ANKAR: variants seen among roughly 807,000 people sequenced by gnomAD.
ANKAR encodes ankyrin and armadillo repeat-containing protein.
In ANKAR, 136 loss-of-function variants were observed where a neutral mutation model predicts 146.2. That is an observed-to-expected ratio of 0.93 (90% CI 0.81 to 1.07). ANKAR has a LOEUF of 1.07. Among genes scored for constraint, ANKAR ranks in the 50% least tolerant of loss-of-function variants. The pLI, the probability that ANKAR is intolerant of heterozygous loss-of-function variation, is 0.00. For missense variants in ANKAR, 1,567 were observed against 1,679.9 expected, an observed-to-expected ratio of 0.93 and a Z score of 1.18; for synonymous variants, 500 against 575.8, an observed-to-expected ratio of 0.87 and a Z score of 1.88.
In ANKAR at chr2:189,743,397, C is replaced by T. The variant is rs1271447036; in HGVS notation, c.3933C>T (p.Ser1311=). Residue 1311 remains serine, a synonymous_variant, in exon 21 of 23, where the codon AGC becomes AGT. Transcript: ENST00000684021. ...TCATTCGTATAAAAAATAATATCAG[C>T]AGAGATGCAAGTATTAACCCAGCAT... ...NQFIRIKNNI[S]RDASINPAFL... is the part of the protein sequence containing the mutation. 11 of 1,613,840 alleles carry T rather than the reference C, an allele frequency of 6.8e-6. No individual in the cohort carries two copies. Among genetic ancestry groups the T allele is most frequent in the Non-Finnish European group, 8.5e-6 (10 of 1,179,866 alleles).
intron 12 of ANKAR, among the ~76,000 whole-genome samples, chr2:189,727,004 T>C (rs1383345161): frequency 6.6e-6 from 1 of 152,116 alleles, no homozygotes; most frequent in Non-Finnish European, 1.5e-5. Flanking sequence ...TGTTAAAATA[T>C]AGGAAAATGT....
At position 189,728,719 on chromosome 2, in the gene ANKAR, G is replaced by C. The variant is rs1209047818; in HGVS notation, c.3091G>C (p.Glu1031Gln). Residue 1031 changes from glutamate (E) to glutamine (Q), a missense_variant, in exon 15 of 23, where the codon GAA becomes CAA. By Grantham distance (29) the Glu-to-Gln change is conservative. Coordinates refer to ENST00000684021, the MANE Select transcript of ANKAR (RefSeq NM_001378068.1). ...CAGGATGCATCAAAATCAAATATGTGAAGGGAATGGAATTGCACCATTGGT... is the reference window on the plus strand; with the variant it reads ...CAGGATGCATCAAAATCAAATATGTCAAGGGAATGGAATTGCACCATTGGT... The part of the protein sequence containing the change: ...DSRMHQNQIC[E>Q]GNGIAPLVRL... 6.2e-7 allele frequency: 1 copy of C among 1,613,916 alleles called. No homozygotes were observed. Among genetic ancestry groups the C allele is most frequent in the Admixed American group, 1.7e-5 (1 of 59,968 alleles).
chr2:189,754,942 AT>A (rs2045879501), intron 18 of ANKAR: 2 of 515,480 alleles, frequency 3.9e-6, no homozygotes, highest in East Asian at 7.2e-5. Context: ...TCTGCAAACT[AT>A]TTCAGCCTTT....
intron 10 of ANKAR, among the ~76,000 whole-genome samples, chr2:189,714,947 C>CAAAAA (rs71401215): frequency 9.0e-5 from 8 of 88,634 alleles, no homozygotes; most frequent in Admixed American, 1.3e-4. Context: ...CTCCATCTCA[C>CAAAAA]AAAAAAAAAA....
At chr2:189,757,969 T>C (rs1412498747) in intron 18 of ANKAR, among the ~76,000 whole-genome samples, 1 of 152,246 alleles carries the variant, frequency 6.6e-6, no homozygotes, top group Non-Finnish European at 1.5e-5. Context: ...AAATCTCATG[T>C]AGAATGGTAA....
At chr2:189,758,795 C>A (rs990990820) in intron 18 of ANKAR, among the ~76,000 whole-genome samples, 1 of 152,184 alleles carries the variant, frequency 6.6e-6, no homozygotes, top group African/African-American at 2.4e-5. Context: ...TATACATACA[C>A]AAGCAAATGT....
chr2:189,744,856 C>T, intron 22 of ANKAR, 68 bp downstream of exon 22: 1 of 1,298,668 alleles, frequency 7.7e-7, no homozygotes, highest in South Asian at 1.3e-5. Context: ...TGTATTCCAT[C>T]TCTAAAAATT....
rs1350598168 is a variant in ANKAR, at chr2:189,743,176, C to T, written c.3811-99C>T. ...ATACATATTTGCTTACACTTGCTCCCTCCCTTACAGAGACTTTCCTATGAA... is the reference window on the plus strand; with the variant it reads ...ATACATATTTGCTTACACTTGCTCCTTCCCTTACAGAGACTTTCCTATGAA... On this transcript the variant is annotated intron_variant, in intron 20 of 22. Coordinates refer to ENST00000684021, the MANE Select transcript of ANKAR (RefSeq NM_001378068.1). 4.2e-6 allele frequency: 5 copies of T among 1,190,148 alleles called. No homozygotes were observed. In the African/African-American group the frequency reaches 4.6e-5, roughly 11 times the overall value. The allele number at this position is 1,190,148 out of a possible 1,614,324, so 73.7% of individuals were successfully genotyped here.
chr2:189,721,144 C>T (rs1469126091), intron 12 of ANKAR, among the ~76,000 whole-genome samples: 4 of 152,056 alleles, frequency 2.6e-5, no homozygotes, highest in East Asian at 1.9e-4. Flanking sequence ...TGCACCACCA[C>T]GTCCGGCTAA....
Position 189,743,174 on chromosome 2 carries a change from C to G in ANKAR, c.3811-101C>G, listed in dbSNP as rs138885202. The G allele has an allele frequency of 1.1e-3, 1,247 of 1,151,850 alleles. 22 individuals are homozygous for G. The East Asian group carries it at 0.025, about 23-fold the overall frequency. 71.4% of individuals were successfully genotyped at this position (1,151,850 alleles called of 1,614,324 possible). On this transcript the variant is annotated intron_variant, in intron 20 of 22. Transcript: ENST00000684021. Reference sequence around the variant, plus strand: ...GCATACATATTTGCTTACACTTGCTCCCTCCCTTACAGAGACTTTCCTATG... The same window carrying G: ...GCATACATATTTGCTTACACTTGCTGCCTCCCTTACAGAGACTTTCCTATG...
At chr2:189,700,266 C>T (rs549308672) in intron 7 of ANKAR, among the ~76,000 whole-genome samples, 1 of 152,236 alleles carries the variant, frequency 6.6e-6, no homozygotes, top group East Asian at 1.9e-4. Context: ...TCCATTATCT[C>T]AACACTTTAT....
At chr2:189,722,256 C>A (rs2041345309) in intron 12 of ANKAR, among the ~76,000 whole-genome samples, 1 of 150,628 alleles carries the variant, frequency 6.6e-6, no homozygotes, top group African/African-American at 2.4e-5. Flanking sequence ...GGAGAATTGC[C>A]TGAACCCGAG....
intron 18 of ANKAR, chr2:189,755,657 T>C: frequency 7.8e-7 from 1 of 1,285,746 alleles, no homozygotes. Flanking sequence ...TTAATCATTA[T>C]ATAGCTGAGT....
At chr2:189,690,006 T>G (rs2036153375) in intron 3 of ANKAR, 42 bp downstream of exon 3, 810 of 1,332,684 alleles carry the variant, frequency 6.1e-4, no homozygotes, top group Non-Finnish European at 7.5e-4. Context: ...TATAGGTATA[T>G]ATTAAATATA....
intron 7 of ANKAR, among the ~76,000 whole-genome samples, chr2:189,697,022 A>T (rs2037314171): frequency 6.6e-6 from 1 of 152,140 alleles, no homozygotes; most frequent in South Asian, 2.1e-4. Context: ...TAATCATTGA[A>T]ATAAATTTAG....
In ANKAR at chr2:189,711,131, C is replaced by T. The variant is rs369716797; in HGVS notation, c.2202C>T (p.Tyr734=). ...LEVICLANDQ[Y]WRCILDAGTI... is the part of the protein sequence containing the mutation. ...TAATTTGCTTAGCAAATGATCAATA[C>T]TGGAGATGTATTTTGGATGCAGGTG... The change falls in exon 10 of 23, where the codon TAC becomes TAT. Residue 734 remains tyrosine (Y), a synonymous_variant. Transcript: ENST00000684021. 23 of 1,613,238 alleles carry T rather than the reference C, an allele frequency of 1.4e-5. No homozygotes were observed. In the Admixed American group the frequency reaches 2.3e-4, roughly 16 times the overall value.
intron 12 of ANKAR, among the ~76,000 whole-genome samples, chr2:189,727,102 A>G (rs2041956957): frequency 6.6e-6 from 1 of 152,164 alleles, no homozygotes; most frequent in Non-Finnish European, 1.5e-5. Flanking sequence ...TTTATTTTTA[A>G]TGATAATACC....
At chr2:189,754,430 A>C in intron 18 of ANKAR, 1 of 1,270,818 alleles carries the variant, frequency 7.9e-7, no homozygotes, top group Non-Finnish European at 1.1e-6. Flanking sequence ...GAAAATTACT[A>C]ACAAAACAAA....
At chr2:189,753,799 G>T in intron 18 of ANKAR, 2 of 1,106,306 alleles carry the variant, frequency 1.8e-6, no homozygotes, top group African/African-American at 1.6e-5. Flanking sequence ...ATTTCATACT[G>T]TCAGGGCTAG....
Sources: gnomAD v4.1 joint callset for allele counts (sites outside exome capture counted in the v4.1 genomes callset) on GRCh38, gnomAD v4.1.1 for gene constraint, MANE v1.5 for transcripts, NCBI Gene and HGNC (gene_info 2026-07-23, HGNC 2026-07-21) for gene names.